Variants in LIN54 observed in about 807,000 individuals in gnomAD.
LIN54 encodes the protein lin-54 DREAM MuvB core complex component.
A neutral mutation model predicts 78.7 loss-of-function variants in LIN54; 9 were observed. The ratio of observed to expected loss-of-function variants is 0.11; its 90% CI spans 0.07 to 0.20. The LOEUF (loss-of-function observed/expected upper bound fraction) is 0.20. Ranked by LOEUF, LIN54 falls within the 10% of genes least tolerant of loss-of-function variation. LIN54 has a pLI of 1.00. For synonymous variants in LIN54, 269 were observed against 318.4 expected, an observed-to-expected ratio of 0.84 and a Z score of 1.65; for missense variants, 573 against 889.9, an observed-to-expected ratio of 0.64 and a Z score of 4.53.
At chr4:82,992,755 G>A (rs1016443780) in intron 1 of LIN54, among the ~76,000 whole-genome samples, 12 of 152,074 alleles carry the variant, frequency 7.9e-5, no homozygotes, top group East Asian at 3.9e-4. Flanking sequence ...CCGGCCAGGC[G>A]TGGTGGCTCA....
intron 1 of LIN54, among the ~76,000 whole-genome samples, chr4:83,005,953 A>G (rs1302229800): frequency 6.6e-6 from 1 of 152,186 alleles, no homozygotes; most frequent in Non-Finnish European, 1.5e-5. Context: ...CGTAGCCATA[A>G]AAAAAGAAAG....
chr4:83,005,768 A>C (rs10009824), intron 1 of LIN54, among the ~76,000 whole-genome samples: 74,462 of 152,098 alleles, frequency 0.49, 19,326 homozygotes, highest in Admixed American at 0.61. Context: ...TGACCCAGCA[A>C]TCACATTACT....
In LIN54 at chr4:82,936,347, T is replaced by C. The variant is rs1267425994; in HGVS notation, c.1639A>G (p.Asn547Asp). 3 of 1,577,106 alleles carry C rather than the reference T, an allele frequency of 1.9e-6. No individual in the cohort carries two copies. Among genetic ancestry groups the C allele is most frequent in the Non-Finnish European group, 2.6e-6 (3 of 1,156,978 alleles). ...CDCFANGEFC[N>D]NCNCTNCYNN... ...TAACAATTAGTACAATTGCAGTTGT[T>C]GCAAAATTCACCATTTGCAAAGCAA... The change falls in exon 10 of 13, where the codon AAC (asparagine) becomes GAC (aspartate). Residue 547 changes from asparagine (N) to aspartate (D), a missense_variant. By Grantham distance (23) the Asn-to-Asp change is conservative (BLOSUM62 1). Coordinates refer to ENST00000340417, the MANE Select transcript of LIN54 (RefSeq NM_194282.4).
At chr4:82,997,788 T>C (rs1728342942) in intron 1 of LIN54, among the ~76,000 whole-genome samples, 1 of 150,188 alleles carries the variant, frequency 6.7e-6, no homozygotes, top group Non-Finnish European at 1.5e-5. Context: ...AGGTCAGGAG[T>C]TTGAGACCAG....
rs1470998718 is a variant in LIN54 at position 82,924,795 on chromosome 4, G to GTTGA, written c.*3303_*3306dup. The GTTGA allele has an allele frequency of 6.6e-6, 1 of 152,364 alleles. No homozygotes were observed. The highest frequency in any genetic ancestry group is 1.5e-5 in the Non-Finnish European group (1 of 68,016). The allele number at this position is 152,364 out of a possible 1,614,324, so 9.4% of individuals were successfully genotyped here. A position where few individuals can be genotyped will look rare whatever the true frequency, so the allele number is the denominator to read the frequency against. On this transcript the variant is annotated 3_prime_UTR_variant, in exon 13 of 13. Transcript: ENST00000340417. ...TAACTCCAATAGAAAGGGATTTTTA[G>GTTGA]TTGATTGCCTTCCCTTCTGCTTTGG...
chr4:82,936,210 A>G, intron 10 of LIN54, 69 bp downstream of exon 10: 2 of 1,549,494 alleles, frequency 1.3e-6, no homozygotes, highest in Non-Finnish European at 1.8e-6. Flanking sequence ...TCTTTGCAAG[A>G]CAATTGAGTT....
chr4:83,010,796 G>GGCCGCCGCC lies in LIN54; in HGVS notation c.-354_-346dup, dbSNP rs943421255. 1 of 1,232,988 alleles carries GGCCGCCGCC rather than the reference G, an allele frequency of 8.1e-7. No homozygotes were observed. The highest frequency in any genetic ancestry group is 4.2e-5 in the Admixed American group (1 of 23,678). The allele number at this position is 1,232,988 out of a possible 1,614,324, so 76.4% of individuals were successfully genotyped here. Reference sequence around the variant, plus strand: ...CAGCTTCCCCGACAGCCGGAGCCCGGGCCGCCGCCGCCGCCGCCACCACCA... The same window carrying GGCCGCCGCC: ...CAGCTTCCCCGACAGCCGGAGCCCGGGCCGCCGCCGCCGCCGCCGCCGCCGCCACCACCA... On this transcript the variant is annotated 5_prime_UTR_variant, in exon 1 of 13. Transcript: ENST00000340417.
chr4:82,960,219 G>A (rs1724673005), intron 4 of LIN54, among the ~76,000 whole-genome samples: 1 of 152,052 alleles, frequency 6.6e-6, no homozygotes, highest in Non-Finnish European at 1.5e-5. Context: ...CTAGAGTACA[G>A]TGGCATGATC....
chr4:83,003,693 T>C (rs1729056723), intron 1 of LIN54, among the ~76,000 whole-genome samples: 1 of 151,914 alleles, frequency 6.6e-6, no homozygotes, highest in South Asian at 2.1e-4. Flanking sequence ...GACTAGCTAA[T>C]TTGTCTAGTT....
At position 82,970,427 on chromosome 4, in the gene LIN54, G is replaced by A. The variant is rs1444105176; in HGVS notation, c.851C>T (p.Thr284Ile). ...AACACCACTTTCAGATATTGTTATG[G>A]TCTTTGATGGAGTTCCGGGAGTAGA... The part of the protein sequence containing the change: ...SQSTPGTPSK[T>I]ITISESGVIG... Residue 284 changes from threonine (T) to isoleucine (I), a missense_variant, in exon 4 of 13, where the codon ACC (threonine) becomes ATC (isoleucine). Physicochemically the swap from Thr to Ile is moderately conservative, Grantham distance 89. Around this residue, in one of 6 missense-constraint regions of LIN54, gnomAD observed 199 missense variants for 260.9 expected, o/e 0.76. Coordinates refer to ENST00000340417, the MANE Select transcript of LIN54 (RefSeq NM_194282.4). The A allele has an allele frequency of 1.2e-6, 2 of 1,613,012 alleles. No individual in the cohort carries two copies. The highest frequency in any genetic ancestry group is 2.7e-5 in the African/African-American group (2 of 74,858).
chr4:82,990,624 C>T (rs560223259), intron 1 of LIN54, among the ~76,000 whole-genome samples: 12 of 152,082 alleles, frequency 7.9e-5, no homozygotes, highest in African/African-American at 1.9e-4. Flanking sequence ...GCTGGGACTA[C>T]GGGCGCCCGC....
chr4:82,947,896 C>T (rs1474669850), intron 4 of LIN54, among the ~76,000 whole-genome samples: 1 of 152,002 alleles, frequency 6.6e-6, no homozygotes, highest in Non-Finnish European at 1.5e-5. Flanking sequence ...ATTTATGAAA[C>T]AAGAATTCTA....
intron 1 of LIN54, among the ~76,000 whole-genome samples, chr4:83,006,448 CAAAAAAAAA>C (rs1186424720): frequency 3.3e-5 from 2 of 60,058 alleles, no homozygotes; most frequent in African/African-American, 6.0e-5. Flanking sequence ...GACTCCGTCT[CAAAAAAAAA>C]AAAAAAGAAA....
intron 3 of LIN54, 112 bp from the exon 4 acceptor site, chr4:82,970,581 T>C (rs1725562353): frequency 2.0e-6 from 2 of 979,132 alleles, no homozygotes; most frequent in Non-Finnish European, 3.0e-6. Context: ...TGTTATTTCA[T>C]GTCAACACTT....
At chr4:82,993,699 C>T (rs568855250) in intron 1 of LIN54, among the ~76,000 whole-genome samples, 2 of 151,956 alleles carry the variant, frequency 1.3e-5, no homozygotes, top group Non-Finnish European at 2.9e-5. Flanking sequence ...CTCACTTCAA[C>T]CTCTGCTTCC....
Position 82,970,467 on chromosome 4 carries a change from T to C in LIN54, c.811A>G (p.Arg271Gly), listed in dbSNP as rs1725551169. Residue 271 changes from arginine (R) to glycine (G), a missense_variant and splice_region_variant, in exon 4 of 13, where the codon AGG becomes GGG. Coordinates refer to ENST00000340417, the MANE Select transcript of LIN54 (RefSeq NM_194282.4). ...TQVSPPVIAG[R>G]VLSQSTPGTP... ...CCGGGAGTAGACTGTGAAAGAACCCTACCTGCAAATGAGAGGCAGCACATC... is the reference window on the plus strand; with the variant it reads ...CCGGGAGTAGACTGTGAAAGAACCCCACCTGCAAATGAGAGGCAGCACATC... The C allele has an allele frequency of 1.2e-6, 2 of 1,603,406 alleles. No homozygotes were observed. The highest frequency in any genetic ancestry group is 1.7e-6 in the Non-Finnish European group (2 of 1,177,034).
At chr4:82,934,806 C>A (rs1722257915) in intron 11 of LIN54, among the ~76,000 whole-genome samples, 1 of 152,098 alleles carries the variant, frequency 6.6e-6, no homozygotes, top group Non-Finnish European at 1.5e-5. Flanking sequence ...CTCAACCACC[C>A]AAAAGACTGT....
rs187196423 is a variant in LIN54 at position 83,001,590 on chromosome 4, A to G, written c.-33+8894T>C. Among the ~76,000 whole-genome samples the G allele has an allele frequency of 1.9e-3, 291 of 151,574 alleles. 2 individuals are homozygous for G. The highest frequency in any genetic ancestry group is 0.01 in the Middle Eastern group (3 of 292). On this transcript the variant is annotated intron_variant, in intron 1 of 12. Coordinates refer to ENST00000340417, the MANE Select transcript of LIN54 (RefSeq NM_194282.4). ...GCCGGGCGCAGTGGCTCACGCCTGT[A>G]ATCCCAGCACCTTGGGAGGCCGAGG...
intron 7 of LIN54, 64 bp downstream of exon 7, chr4:82,939,475 G>T: frequency 7.6e-7 from 1 of 1,316,940 alleles, no homozygotes; most frequent in Non-Finnish European, 1.1e-6. Flanking sequence ...TTCTGTGATA[G>T]CACTAGACAT....
Sources: gnomAD v4.1 joint callset for allele counts (sites outside exome capture counted in the v4.1 genomes callset) on GRCh38, gnomAD v4.1.1 for gene constraint, gnomAD v4.1.1 regional missense constraint, MANE v1.5 for transcripts, NCBI Gene and HGNC (gene_info 2026-07-23, HGNC 2026-07-21) for gene names.